NCK1: variants seen among roughly 807,000 people sequenced by gnomAD.
NCK1 encodes NCK adaptor protein 1, also known as SH2/SH3 adapter protein NCK1.
In NCK1, 19 loss-of-function variants were observed where a neutral mutation model predicts 36.6. The observed-to-expected ratio is 0.52, with a 90% CI of 0.36 to 0.76. The LOEUF is 0.76. NCK1 is among the 30% of genes least tolerant of loss of function. The pLI is 0.00. For missense variants in NCK1, 358 were observed against 445.6 expected (o/e 0.80, Z 1.77); for synonymous variants, 165 against 156.0 (o/e 1.06, Z -0.43).
chr3:136,932,297 C>T (rs1322443974), intron 2 of NCK1, among the ~76,000 whole-genome samples: 1 of 152,078 alleles, frequency 6.6e-6, no homozygotes, highest in East Asian at 1.9e-4. Flanking sequence ...TGCTCAATCC[C>T]TGCAGCAACC....
intron 2 of NCK1, among the ~76,000 whole-genome samples, chr3:136,942,582 G>T (rs972175275): frequency 2.0e-5 from 3 of 152,174 alleles, no homozygotes; most frequent in African/African-American, 7.2e-5. Flanking sequence ...TTATAATTCT[G>T]CCTTAGCCTT....
chr3:136,889,050 T>C (rs1184764861), intron 1 of NCK1: 1 of 17,642 alleles, frequency 5.7e-5, no homozygotes, highest in African/African-American at 1.9e-4. Flanking sequence ...TTTGATTTTT[T>C]TTTTTTTTTT....
chr3:136,908,624 T>C (rs4147503), intron 1 of NCK1, among the ~76,000 whole-genome samples: 145,153 of 152,278 alleles, frequency 0.95, 69,576 homozygotes, highest in East Asian at 1. Context: ...TTAAAGGAGG[T>C]GAACTGCGAC....
chr3:136,871,064 G>C (rs1576941034), intron 1 of NCK1, among the ~76,000 whole-genome samples: 1 of 151,868 alleles, frequency 6.6e-6, no homozygotes, highest in South Asian at 2.1e-4. Context: ...ATTAATTCCT[G>C]TTGTGGATCC....
At chr3:136,926,629 C>G (rs1215797776) in intron 1 of NCK1, among the ~76,000 whole-genome samples, 3 of 152,128 alleles carry the variant, frequency 2.0e-5, no homozygotes, top group African/African-American at 7.2e-5. Flanking sequence ...TCTATATACA[C>G]TCCTCTTGCT....
chr3:136,883,416 A>G (rs1938996692), intron 1 of NCK1, among the ~76,000 whole-genome samples: 1 of 152,010 alleles, frequency 6.6e-6, no homozygotes. Context: ...AAATATTTAC[A>G]TGACTGCCTC....
At chr3:136,876,849 A>C (rs1938788428) in intron 1 of NCK1, among the ~76,000 whole-genome samples, 1 of 152,226 alleles carries the variant, frequency 6.6e-6, no homozygotes, top group South Asian at 2.1e-4. Flanking sequence ...TTCCTGCCTA[A>C]GATCAATTTC....
chr3:136,913,101 G>A (rs1208001784), intron 1 of NCK1, among the ~76,000 whole-genome samples: 1 of 151,072 alleles, frequency 6.6e-6, no homozygotes, highest in African/African-American at 2.4e-5. Flanking sequence ...CCCGTCTTCT[G>A]ATCTTTCTCT....
intron 1 of NCK1, among the ~76,000 whole-genome samples, chr3:136,863,473 C>T (rs1422537490): frequency 1.3e-5 from 2 of 151,638 alleles, no homozygotes; most frequent in Non-Finnish European, 3.0e-5. Flanking sequence ...TTTTAAAACA[C>T]TTAATTTTCT....
At chr3:136,940,982 G>T (rs1940656939) in intron 2 of NCK1, among the ~76,000 whole-genome samples, 1 of 151,926 alleles carries the variant, frequency 6.6e-6, no homozygotes, top group Non-Finnish European at 1.5e-5. Context: ...GATAACAGTT[G>T]CATCATGTTA....
intron 2 of NCK1, among the ~76,000 whole-genome samples, chr3:136,943,580 C>T (rs1156391481): frequency 1.3e-5 from 2 of 152,238 alleles, no homozygotes; most frequent in Non-Finnish European, 2.9e-5. Flanking sequence ...TTGTGAAACA[C>T]TTTCAGCTAA....
intron 1 of NCK1, among the ~76,000 whole-genome samples, chr3:136,873,138 T>C (rs940854462): frequency 1.3e-5 from 2 of 152,114 alleles, no homozygotes; most frequent in Non-Finnish European, 2.9e-5. Flanking sequence ...CTGGAAAAGC[T>C]GCAGACACTC....
At chr3:136,871,185 T>C (rs1938606382) in intron 1 of NCK1, among the ~76,000 whole-genome samples, 1 of 151,292 alleles carries the variant, frequency 6.6e-6, no homozygotes, top group Admixed American at 6.6e-5. Context: ...GCCTTGAGGG[T>C]AGGAGTTAGA....
chr3:136,912,716 C>T (rs949375309), intron 1 of NCK1, among the ~76,000 whole-genome samples: 4 of 151,446 alleles, frequency 2.6e-5, no homozygotes, highest in African/African-American at 9.7e-5. Flanking sequence ...TGTGTGATCA[C>T]GGTTCATGGG....
intron 3 of NCK1, 132 bp downstream of exon 3, chr3:136,946,427 A>AATTT (rs1257591826): frequency 6.8e-6 from 5 of 734,176 alleles, no homozygotes; most frequent in Non-Finnish European, 1.1e-5. Flanking sequence ...CATAAGCATA[A>AATTT]ATGTTCCAAA....
At chr3:136,890,932 T>C (rs566484850) in intron 1 of NCK1, among the ~76,000 whole-genome samples, 111 of 152,302 alleles carry the variant, frequency 7.3e-4, no homozygotes, top group Admixed American at 1.4e-3. Flanking sequence ...CTACTTTCTA[T>C]CTCTATGAAT....
At chr3:136,921,330 G>A (rs1057134917) in intron 1 of NCK1, among the ~76,000 whole-genome samples, 1 of 152,172 alleles carries the variant, frequency 6.6e-6, no homozygotes, top group African/African-American at 2.4e-5. Flanking sequence ...ACTAGAGGAC[G>A]TGCTCCAGCA....
At chr3:136,880,630 T>C (rs571655772) in intron 1 of NCK1, among the ~76,000 whole-genome samples, 1 of 151,706 alleles carries the variant, frequency 6.6e-6, no homozygotes, top group South Asian at 2.2e-4. Flanking sequence ...CAACAAACTT[T>C]GTTTGTTTGT....
intron 2 of NCK1, among the ~76,000 whole-genome samples, chr3:136,932,662 T>C (rs1940424109): frequency 6.6e-6 from 1 of 152,210 alleles, no homozygotes; most frequent in South Asian, 2.1e-4. Flanking sequence ...GATTTTCTGT[T>C]CCTTGTAAAA....
Sources: allele counts gnomAD v4.1 joint callset (sites outside exome capture counted in the v4.1 genomes callset), GRCh38; gene constraint gnomAD v4.1.1; transcripts MANE v1.5; gene names NCBI Gene and HGNC (gene_info 2026-07-23, HGNC 2026-07-21).